ALDH1A2: variants seen among roughly 807,000 people sequenced by gnomAD.
ALDH1A2 encodes aldehyde dehydrogenase 1 family member A2.
ALDH1A2 carries 27 observed loss-of-function variants against 60.3 expected under a neutral mutation model. That is an observed-to-expected ratio of 0.45 (90% CI 0.33 to 0.62). The LOEUF (loss-of-function observed/expected upper bound fraction) is 0.62, where lower values mean the gene tolerates loss of function less well. Among genes scored for constraint, ALDH1A2 ranks in the 20% least tolerant of loss-of-function variants. ALDH1A2 has a pLI of 0.02. For missense variants in ALDH1A2, 581 were observed against 643.8 expected (o/e 0.90, Z 1.06); for synonymous variants, 289 against 232.4 (o/e 1.24, Z -2.21).
At chr15:57,987,406 C>T (rs1284324388) in intron 7 of ALDH1A2, among the ~76,000 whole-genome samples, 1 of 152,072 alleles carries the variant, frequency 6.6e-6, no homozygotes. Flanking sequence ...CTCTCAAAAG[C>T]AGTCTGGGGG....
At chr15:57,979,838 C>A in intron 7 of ALDH1A2, 1 of 273,626 alleles carries the variant, frequency 3.7e-6, no homozygotes. Context: ...TACTTGGGGT[C>A]ACATATATGC....
At chr15:58,044,125 C>T (rs1408283542) in intron 1 of ALDH1A2, among the ~76,000 whole-genome samples, 1 of 151,946 alleles carries the variant, frequency 6.6e-6, no homozygotes. Context: ...TCCGAGTGAT[C>T]TTTGCTGCAT....
At chr15:58,057,372 C>T (rs989360334) in intron 1 of ALDH1A2, among the ~76,000 whole-genome samples, 2 of 151,628 alleles carry the variant, frequency 1.3e-5, no homozygotes, top group Admixed American at 1.3e-4. Context: ...TGTTACCACG[C>T]AAAACAATAG....
At chr15:57,955,997 G>A (rs1264065368) in intron 12 of ALDH1A2, among the ~76,000 whole-genome samples, 1 of 152,142 alleles carries the variant, frequency 6.6e-6, no homozygotes, top group Non-Finnish European at 1.5e-5. Flanking sequence ...CTCAGGAGGA[G>A]CTCCTCTTTC....
intron 8 of ALDH1A2, among the ~76,000 whole-genome samples, chr15:57,965,025 A>G (rs1232299767): frequency 1.3e-5 from 2 of 151,952 alleles, no homozygotes; most frequent in South Asian, 4.2e-4. Context: ...AAAAAAAAAA[A>G]GAATCACTGA....
intron 1 of ALDH1A2, among the ~76,000 whole-genome samples, chr15:58,015,736 A>G (rs1389759586): frequency 6.6e-6 from 1 of 152,206 alleles, no homozygotes; most frequent in Non-Finnish European, 1.5e-5. Context: ...GCTTGAGTCC[A>G]AAGAAGCAGG....
intron 7 of ALDH1A2, among the ~76,000 whole-genome samples, chr15:57,968,305 C>T (rs760158379): frequency 6.6e-6 from 1 of 152,176 alleles, no homozygotes; most frequent in African/African-American, 2.4e-5. Context: ...AAAAACCCTA[C>T]ACAGTAGGTT....
chr15:58,016,668 C>A (rs371013657), intron 1 of ALDH1A2, among the ~76,000 whole-genome samples: 114 of 151,942 alleles, frequency 7.5e-4, no homozygotes, highest in African/African-American at 2.6e-3. Context: ...CTTATATTTC[C>A]TGTATTTTAA....
intron 7 of ALDH1A2, among the ~76,000 whole-genome samples, chr15:57,974,563 C>A (rs2140465245): frequency 6.6e-6 from 1 of 150,656 alleles, no homozygotes; most frequent in Non-Finnish European, 1.5e-5. Flanking sequence ...GGTGCAGGAA[C>A]TATTGTCATT....
In ALDH1A2 at chr15:57,972,664, CAAGTTTT is replaced by C. The variant is rs1462749681; in HGVS notation, c.799-6844_799-6838del. 8.5e-5 allele frequency among the ~76,000 whole-genome samples: 13 copies of C among 152,216 alleles called. No homozygotes were observed. The East Asian group carries it at 1.5e-3, about 18-fold the overall frequency. On this transcript the variant is annotated intron_variant, in intron 7 of 12. Coordinates refer to ENST00000249750, the MANE Select transcript of ALDH1A2 (RefSeq NM_003888.4). ...TATACCATACTTATTCTTCAGTCTT[CAAGTTTT>C]AAGAATTTTTTAAAAAGAGAAGTTT... is the stretch of plus-strand genomic sequence containing the variant.
At chr15:58,043,396 CAT>C (rs1300819315) in intron 1 of ALDH1A2, among the ~76,000 whole-genome samples, 1 of 151,982 alleles carries the variant, frequency 6.6e-6, no homozygotes, top group Non-Finnish European at 1.5e-5. Flanking sequence ...ATATAGAACA[CAT>C]GTGGCCACCA....
In ALDH1A2 at chr15:57,963,536, G is replaced by A. The variant is rs966838396; in HGVS notation, c.1086+349C>T. Reference sequence around the variant, plus strand: ...TTTTTTGTATTTTTAGTAGAGACAGGGTTTCACCATATTAGCCAGGATGGT... The same window carrying A: ...TTTTTTGTATTTTTAGTAGAGACAGAGTTTCACCATATTAGCCAGGATGGT... On this transcript the variant is annotated intron_variant, in intron 9 of 12. Coordinates refer to ENST00000249750, the MANE Select transcript of ALDH1A2 (RefSeq NM_003888.4). Among the ~76,000 whole-genome samples the A allele has an allele frequency of 3.3e-5, 5 of 151,864 alleles. No homozygotes were observed. In the East Asian group the frequency reaches 9.7e-4, roughly 29 times the overall value.
chr15:58,024,385 G>A lies in ALDH1A2; in HGVS notation c.118-10104C>T, dbSNP rs531458951. Reference sequence around the variant, plus strand: ...TGAAAGTTAAGAGATGAAAAAAAGTGAAAAAAGATATTCCACTCACATGGA... The same window carrying A: ...TGAAAGTTAAGAGATGAAAAAAAGTAAAAAAAGATATTCCACTCACATGGA... On this transcript the variant is annotated intron_variant, in intron 1 of 12. Transcript: ENST00000249750. Among the ~76,000 whole-genome samples the A allele has an allele frequency of 2.0e-5, 3 of 152,186 alleles. No homozygotes were observed. In the South Asian group the frequency reaches 6.2e-4, roughly 32 times the overall value.
chr15:58,001,568 T>G (rs1595657286), intron 4 of ALDH1A2, among the ~76,000 whole-genome samples: 1 of 152,032 alleles, frequency 6.6e-6, no homozygotes, highest in African/African-American at 2.4e-5. Flanking sequence ...CTCCCTCTCA[T>G]CTATACCTCA....
At chr15:57,966,790 C>T (rs1893909832) in intron 7 of ALDH1A2, among the ~76,000 whole-genome samples, 1 of 152,220 alleles carries the variant, frequency 6.6e-6, no homozygotes, top group Non-Finnish European at 1.5e-5. Context: ...TGCAGTTCCA[C>T]TTCCCCAGGG....
chr15:58,001,034 T>TTAA (rs1555402200), intron 4 of ALDH1A2, among the ~76,000 whole-genome samples: 5 of 126,240 alleles, frequency 4.0e-5, no homozygotes, highest in Admixed American at 8.4e-5. Context: ...TCAAAATTGT[T>TTAA]AAAAAAAAAA....
intron 1 of ALDH1A2, among the ~76,000 whole-genome samples, chr15:58,014,754 C>A (rs569541952): frequency 3.1e-4 from 47 of 152,308 alleles, no homozygotes; most frequent in African/African-American, 9.9e-4. Context: ...ATACTCAGGT[C>A]CTGAACAATG....
In ALDH1A2 at chr15:57,968,035, G is replaced by T. The variant is rs142621353; in HGVS notation, c.799-2208C>A. On this transcript the variant is annotated intron_variant, in intron 7 of 12. Transcript: ENST00000249750. ...CTCTGACTTACTGCCAGCACTCAGG[G>T]AGGGGTGTTCCCTGAGGATGCTGTC... Among the ~76,000 whole-genome samples, 11 of 152,286 alleles carry T rather than the reference G, an allele frequency of 7.2e-5. No homozygotes were observed. In the East Asian group the frequency reaches 2.1e-3, roughly 29 times the overall value.
At chr15:58,064,910 T>A (rs146856712) in intron 1 of ALDH1A2, among the ~76,000 whole-genome samples, 2 of 152,004 alleles carry the variant, frequency 1.3e-5, no homozygotes, top group East Asian at 3.9e-4. Flanking sequence ...CTAACAAATA[T>A]TAAAACTTTT....
Sources: gnomAD v4.1 joint callset for allele counts (sites outside exome capture counted in the v4.1 genomes callset) on GRCh38, gnomAD v4.1.1 for gene constraint, MANE v1.5 for transcripts, NCBI Gene and HGNC (gene_info 2026-07-23, HGNC 2026-07-21) for gene names.